The following CDH1 variants were observed in gnomAD, a reference collection of about 807,000 sequenced individuals.
CDH1 encodes cadherin-1.
In CDH1, 35 loss-of-function variants were observed where a neutral mutation model predicts 84.5. The ratio of observed to expected loss-of-function variants is 0.41; its 90% confidence interval spans 0.32 to 0.55. The LOEUF is 0.55. Ranked by LOEUF, CDH1 falls within the 20% of genes least tolerant of loss-of-function variation. The probability of loss-of-function intolerance (pLI) is 0.19; values close to 1 mark genes in which losing one functional copy is unlikely to be tolerated. For synonymous variants in CDH1, 417 were observed against 439.0 expected, an observed-to-expected ratio of 0.95 and a Z score of 0.63; for missense variants, 994 against 1,126.6, an observed-to-expected ratio of 0.88 and a Z score of 1.68.
At chr16:68,737,494 G>T (rs958145101) in intron 1 of CDH1, 31 bp downstream of exon 1, 6 of 1,514,852 alleles carry the variant, frequency 4.0e-6, no homozygotes, top group Non-Finnish European at 4.4e-6. Flanking sequence ...TGCGAGGGAC[G>T]CATTCGGGCC....
chr16:68,792,216 C>T (rs1401743203), intron 2 of CDH1, among the ~76,000 whole-genome samples: 5 of 147,168 alleles, frequency 3.4e-5, no homozygotes, highest in Non-Finnish European at 7.4e-5. Flanking sequence ...GCACCACACC[C>T]GGCCTAAACA....
chr16:68,750,857 C>A (rs1263822231), intron 2 of CDH1, among the ~76,000 whole-genome samples: 1 of 151,918 alleles, frequency 6.6e-6, no homozygotes, highest in African/African-American at 2.4e-5. Context: ...ACACACATCA[C>A]CATGCCCGGC....
At chr16:68,802,984 A>T (rs1248583260) in intron 3 of CDH1, among the ~76,000 whole-genome samples, 2 of 152,160 alleles carry the variant, frequency 1.3e-5, no homozygotes, top group Non-Finnish European at 2.9e-5. Context: ...GGATGGATGG[A>T]TGTCTGCCTG....
intron 2 of CDH1, among the ~76,000 whole-genome samples, chr16:68,761,973 TC>T (rs754006009): frequency 3.3e-5 from 5 of 152,194 alleles, no homozygotes; most frequent in African/African-American, 4.8e-5. Context: ...GGCTGCCTCC[TC>T]CTGCCAGTTC....
chr16:68,748,934 G>A (rs1367515823), intron 2 of CDH1, among the ~76,000 whole-genome samples: 1 of 152,200 alleles, frequency 6.6e-6, no homozygotes, highest in Non-Finnish European at 1.5e-5. Context: ...CTGCCTCCTG[G>A]GTTCAAGCGA....
chr16:68,783,208 G>A (rs959288751), intron 2 of CDH1, among the ~76,000 whole-genome samples: 4 of 151,582 alleles, frequency 2.6e-5, no homozygotes, highest in Non-Finnish European at 5.9e-5. Context: ...ACCAGCCTGG[G>A]TAACATGGCG....
intron 2 of CDH1, among the ~76,000 whole-genome samples, chr16:68,770,284 A>G (rs959997704): frequency 2.0e-5 from 3 of 152,086 alleles, no homozygotes; most frequent in Non-Finnish European, 4.4e-5. Context: ...TCGCCTGGCT[A>G]GACCCCCTCT....
chr16:68,834,271 C>T lies in CDH1; in HGVS notation c.*772C>T. The T allele has an allele frequency of 2.0e-6, 1 of 511,682 alleles. No homozygotes were observed. The highest frequency in any genetic ancestry group is 3.8e-6 in the Non-Finnish European group (1 of 260,804). 31.7% of individuals were successfully genotyped at this position (511,682 alleles called of 1,614,324 possible). ...ACCTGCCCAGCTCCCCAACTCCCTG[C>T]CATTTTTTAAGAGACAGTTTCGCTC... is the stretch of plus-strand genomic sequence containing the variant. On this transcript the variant is annotated 3_prime_UTR_variant, in exon 16 of 16. Transcript: ENST00000261769.
chr16:68,749,426 T>A (rs1962831880), intron 2 of CDH1, among the ~76,000 whole-genome samples: 1 of 152,238 alleles, frequency 6.6e-6, no homozygotes, highest in Non-Finnish European at 1.5e-5. Flanking sequence ...AGTGATCTTT[T>A]TTCCTTAATC....
Position 68,822,173 on chromosome 16 carries a change from A to G in CDH1, c.1884A>G (p.Ala628=). 1 of 1,614,176 alleles carries G rather than the reference A, an allele frequency of 6.2e-7. No homozygotes were observed. Among genetic ancestry groups the G allele is most frequent in the South Asian group, 1.1e-5 (1 of 91,082 alleles). The stretch of plus-strand genomic sequence containing the variant: ...CTCCCAATACATCTCCCTTCACAGC[A>G]GAACTAACACACGGGGCGAGTGCCA... ...DLPPNTSPFT[A]ELTHGASANW... Residue 628 remains alanine, a synonymous_variant, in exon 12 of 16, where the codon GCA becomes GCG. Transcript: ENST00000261769.
chr16:68,785,104 C>T (rs1981871), intron 2 of CDH1, among the ~76,000 whole-genome samples: 41,531 of 152,076 alleles, frequency 0.27, 5,788 homozygotes, highest in Middle Eastern at 0.33. Flanking sequence ...GGTGCCTCCC[C>T]CATACCTAAA....
At chr16:68,762,046 C>T (rs750603021) in intron 2 of CDH1, among the ~76,000 whole-genome samples, 1 of 152,228 alleles carries the variant, frequency 6.6e-6, no homozygotes, top group Non-Finnish European at 1.5e-5. Context: ...CACTGGCCTG[C>T]CTGCTCAGGT....
chr16:68,819,693 A>G (rs1304946537), intron 11 of CDH1, among the ~76,000 whole-genome samples: 2 of 151,512 alleles, frequency 1.3e-5, no homozygotes, highest in African/African-American at 2.4e-5. Context: ...ACCCCCTCCC[A>G]CCCCTTGGAC....
rs1959781478 is a variant in CDH1 at position 68,777,997 on chromosome 16, GCTAGGATTACAGGCATGAGCCA to G, written c.164-23671_164-23650del. ...TCCACCTGCCTTGGCCTTCCAAAGT[GCTAGGATTACAGGCATGAGCCA>G]CCATGCCTGGCCAGAAATTGGACAC... is the stretch of plus-strand genomic sequence containing the variant. On this transcript the variant is annotated intron_variant, in intron 2 of 15. Coordinates refer to ENST00000261769, the MANE Select transcript of CDH1 (RefSeq NM_004360.5). Among the ~76,000 whole-genome samples the G allele has an allele frequency of 4.6e-5, 7 of 151,960 alleles. No individual in the cohort carries two copies. The South Asian group carries it at 1.5e-3, about 32-fold the overall frequency.
In CDH1 at chr16:68,794,109, C is replaced by T. The variant is rs34964989; in HGVS notation, c.164-7561C>T. Among the ~76,000 whole-genome samples, 957 of 152,104 alleles carry T rather than the reference C, an allele frequency of 6.3e-3. 5 individuals carry two copies. Among genetic ancestry groups the T allele is most frequent in the Non-Finnish European group, 0.01 (688 of 67,996 alleles). ...CTGCAGTGGTGCCATCACAGCTCAC[C>T]GCAGCCTCGACCTCCTGGGCTCAAG... is the stretch of plus-strand genomic sequence containing the variant. On this transcript the variant is annotated intron_variant, in intron 2 of 15. Coordinates refer to ENST00000261769, the MANE Select transcript of CDH1 (RefSeq NM_004360.5).
At chr16:68,780,311 A>G (rs963292131) in intron 2 of CDH1, among the ~76,000 whole-genome samples, 2 of 151,436 alleles carry the variant, frequency 1.3e-5, no homozygotes, top group Non-Finnish European at 2.9e-5. Flanking sequence ...TTTTTTGTTT[A>G]TTTATTTTGA....
intron 13 of CDH1, among the ~76,000 whole-genome samples, chr16:68,826,320 T>C (rs1406113104): frequency 1.3e-5 from 2 of 151,892 alleles, no homozygotes; most frequent in African/African-American, 4.8e-5. Flanking sequence ...TTATTTTTTC[T>C]TTCTTTATTA....
intron 13 of CDH1, among the ~76,000 whole-genome samples, chr16:68,827,025 CT>C (rs921518893): frequency 7.9e-5 from 12 of 152,212 alleles, no homozygotes; most frequent in Admixed American, 4.6e-4. Context: ...AATCTCAGCA[CT>C]TTGGGAGGCC....
chr16:68,824,784 A>T (rs894885228), intron 13 of CDH1, among the ~76,000 whole-genome samples: 1 of 152,256 alleles, frequency 6.6e-6, no homozygotes, highest in Non-Finnish European at 1.5e-5. Context: ...TATCATTTAC[A>T]CACAGGGAGA....
Sources: allele counts gnomAD v4.1 joint callset (sites outside exome capture counted in the v4.1 genomes callset), GRCh38; gene constraint gnomAD v4.1.1; transcripts MANE v1.5; gene names NCBI Gene and HGNC (gene_info 2026-07-23, HGNC 2026-07-21).